NBEAL1: variants seen among roughly 807,000 people sequenced by gnomAD.
NBEAL1 encodes the protein neurobeachin-like protein 1.
NBEAL1 carries 273 observed loss-of-function variants against 351.3 expected under a neutral mutation model. The ratio of observed to expected loss-of-function variants is 0.78; its 90% confidence interval spans 0.70 to 0.86. The LOEUF is 0.86. Ranked by LOEUF, NBEAL1 falls within the 40% of genes least tolerant of loss-of-function variation. The pLI, the probability that NBEAL1 is intolerant of heterozygous loss-of-function variation, is 0.00. For synonymous variants in NBEAL1, 1,050 were observed against 1,086.4 expected, an observed-to-expected ratio of 0.97 and a Z score of 0.66; for missense variants, 2,961 against 3,201.3, an observed-to-expected ratio of 0.92 and a Z score of 1.81.
At chr2:203,079,974 A>G (rs2106157609) in intron 8 of NBEAL1, among the ~76,000 whole-genome samples, 1 of 152,288 alleles carries the variant, frequency 6.6e-6, no homozygotes, top group Middle Eastern at 3.4e-3. Context: ...CTGTTTGGAG[A>G]TTTGAGAGAG....
At chr2:203,066,759 G>A (rs1326602377) in intron 6 of NBEAL1, among the ~76,000 whole-genome samples, 1 of 145,076 alleles carries the variant, frequency 6.9e-6, no homozygotes, top group East Asian at 2.1e-4. Context: ...GGGCAGAGGC[G>A]CTCCTCACTT....
intron 36 of NBEAL1, among the ~76,000 whole-genome samples, chr2:203,163,501 A>G (rs955695243): frequency 2.0e-5 from 3 of 152,170 alleles, no homozygotes; most frequent in Admixed American, 6.5e-5. Flanking sequence ...AACCTGTGTT[A>G]TAACCCTCAC....
chr2:203,214,034 C>G (rs2065857462), intron 55 of NBEAL1, among the ~76,000 whole-genome samples: 2 of 152,142 alleles, frequency 1.3e-5, no homozygotes, highest in African/African-American at 2.4e-5. Flanking sequence ...GTCAGTTGTT[C>G]TTTTGTAAAA....
chr2:203,171,410 G>T (rs1342211201), intron 39 of NBEAL1, among the ~76,000 whole-genome samples: 1 of 152,186 alleles, frequency 6.6e-6, no homozygotes, highest in African/African-American at 2.4e-5. Context: ...TTTGAGACCA[G>T]CCTGGGCAAC....
At chr2:203,182,944 T>C (rs1413091086) in intron 43 of NBEAL1, 2 of 162,368 alleles carry the variant, frequency 1.2e-5, no homozygotes, top group Non-Finnish European at 2.7e-5. Context: ...TAAGGAGCTG[T>C]ATTTTACTAT....
At chr2:203,018,083 C>T (rs1198766785) in intron 2 of NBEAL1, among the ~76,000 whole-genome samples, 1 of 152,094 alleles carries the variant, frequency 6.6e-6, no homozygotes, top group East Asian at 1.9e-4. Context: ...ACATTCTCTT[C>T]TGCAGACACC....
rs1387746358 is a variant in NBEAL1 at position 203,112,015 on chromosome 2, C to G, written c.2119C>G (p.Pro707Ala). Reference sequence around the variant, plus strand: ...TGTTGTCCACATGCCTGGAAAAAGGCCTTTTGGTCAGAGCTTCGTCTATAT... The same window carrying G: ...TGTTGTCCACATGCCTGGAAAAAGGGCTTTTGGTCAGAGCTTCGTCTATAT... ...ITVVHMPGKR[P>A]FGQSFVYIYD... Residue 707 changes from proline (P) to alanine (A), a missense_variant, in exon 16 of 56, where the codon CCT becomes GCT. Transcript: ENST00000683969. 3 of 1,551,710 alleles carry G rather than the reference C, an allele frequency of 1.9e-6. No homozygotes were observed. The highest frequency in any genetic ancestry group is 2.6e-6 in the Non-Finnish European group (3 of 1,146,978).
At position 203,190,159 on chromosome 2, in the gene NBEAL1, TACAC is replaced by T. The variant is rs71034227; in HGVS notation, c.6824-86_6824-83del. ...TCAAAAAAAAAAAAAAAGATGTGTG[TACAC>T]ACACACACACACACACACACACACA... On this transcript the variant is annotated intron_variant, in intron 45 of 55. Coordinates refer to ENST00000683969, the MANE Select transcript of NBEAL1 (RefSeq NM_001378026.1). 2,200 of 450,180 alleles carry T rather than the reference TACAC, an allele frequency of 4.9e-3. 30 individuals carry two copies. The highest frequency in any genetic ancestry group is 0.025 in the African/African-American group (1,032 of 41,486). 27.9% of individuals were successfully genotyped at this position (450,180 alleles called of 1,614,324 possible).
intron 8 of NBEAL1, among the ~76,000 whole-genome samples, chr2:203,081,535 A>T (rs905741345): frequency 1.3e-5 from 2 of 152,254 alleles, no homozygotes; most frequent in African/African-American, 4.8e-5. Flanking sequence ...AGTTAGATCT[A>T]TGATTTGCTT....
chr2:203,205,053 A>G (rs1334219262), intron 51 of NBEAL1, among the ~76,000 whole-genome samples: 1 of 152,146 alleles, frequency 6.6e-6, no homozygotes, highest in Non-Finnish European at 1.5e-5. Context: ...TATAGTGAGC[A>G]TCCCCGCCTT....
At chr2:203,179,004 T>G (rs1053151462) in intron 42 of NBEAL1, among the ~76,000 whole-genome samples, 1 of 152,254 alleles carries the variant, frequency 6.6e-6, no homozygotes, top group Non-Finnish European at 1.5e-5. Flanking sequence ...GTCAGATGTC[T>G]ATAATTAAAT....
chr2:203,135,509 A>G lies in NBEAL1; in HGVS notation c.3814-168A>G, dbSNP rs945438833. Among the ~76,000 whole-genome samples, 10 of 152,332 alleles carry G rather than the reference A, an allele frequency of 6.6e-5. No individual in the cohort carries two copies. The South Asian group carries it at 1.5e-3, about 22-fold the overall frequency. On this transcript the variant is annotated intron_variant, in intron 27 of 55. Transcript: ENST00000683969. ...GGAGATTAGTTGGAAACACAGTGCC[A>G]GTCTTCCAAATAGTTTATAATCTAA...
chr2:203,144,344 A>G (rs1210314116), intron 31 of NBEAL1, among the ~76,000 whole-genome samples: 1 of 152,160 alleles, frequency 6.6e-6, no homozygotes, highest in Non-Finnish European at 1.5e-5. Flanking sequence ...TGAGAAAACA[A>G]TGCAAATGCT....
intron 44 of NBEAL1, among the ~76,000 whole-genome samples, chr2:203,184,824 G>A (rs1052172223): frequency 6.6e-6 from 1 of 151,846 alleles, no homozygotes; most frequent in Admixed American, 6.6e-5. Context: ...CTACTTGGGA[G>A]GCTGAAGTGA....
intron 11 of NBEAL1, among the ~76,000 whole-genome samples, chr2:203,098,327 A>G (rs1338798173): frequency 2.0e-5 from 3 of 152,190 alleles, no homozygotes; most frequent in Non-Finnish European, 4.4e-5. Context: ...CCAAGTTTAT[A>G]AATAGAATTT....
chr2:203,014,782 C>T (rs2060648357), upstream of NBEAL1: 2 of 152,280 alleles, frequency 1.3e-5, no homozygotes, highest in African/African-American at 4.8e-5. Context: ...TGCCGCCCAA[C>T]GGCTGGGTAA....
intron 33 of NBEAL1, among the ~76,000 whole-genome samples, chr2:203,146,590 C>T (rs1337437614): frequency 5.3e-5 from 8 of 151,990 alleles, no homozygotes; most frequent in Admixed American, 3.9e-4. Context: ...GTGAGGAGTT[C>T]GACACCAGCC....
chr2:203,167,333 C>T lies in NBEAL1; in HGVS notation c.5970C>T (p.Ser1990=). ...TTGAGATTTTTCATGTTGACCAATC[C>T]AACTACTTTCTCAATTTCAAAAAAG... The part of the protein sequence containing the change: ...SALEIFHVDQ[S]NYFLNFKKEV... Residue 1990 remains serine, a synonymous_variant, in exon 38 of 56, where the codon TCC becomes TCT. Coordinates refer to ENST00000683969, the MANE Select transcript of NBEAL1 (RefSeq NM_001378026.1). 2 of 1,610,378 alleles carry T rather than the reference C, an allele frequency of 1.2e-6. No homozygotes were observed. The highest frequency in any genetic ancestry group is 8.5e-7 in the Non-Finnish European group (1 of 1,178,472).
chr2:203,195,413 T>C (rs1318795570), intron 47 of NBEAL1, among the ~76,000 whole-genome samples: 1 of 152,204 alleles, frequency 6.6e-6, no homozygotes. Context: ...CAATACAAAC[T>C]CTACAAACTT....
Sources: allele counts gnomAD v4.1 joint callset (sites outside exome capture counted in the v4.1 genomes callset), GRCh38; gene constraint gnomAD v4.1.1; transcripts MANE v1.5; gene names NCBI Gene and HGNC (gene_info 2026-07-23, HGNC 2026-07-21).